The following TRAPPC9 variants were observed in gnomAD, a reference collection of about 807,000 sequenced individuals.
TRAPPC9 encodes IKK2 binding protein.
TRAPPC9 carries 83 observed loss-of-function variants against 124.0 expected under a neutral mutation model. The ratio of observed to expected loss-of-function variants is 0.67; its 90% CI spans 0.56 to 0.80. The LOEUF (loss-of-function observed/expected upper bound fraction) is 0.80. Ranked by LOEUF, TRAPPC9 falls within the 30% of genes least tolerant of loss-of-function variation. TRAPPC9 has a pLI of 0.00. For missense variants in TRAPPC9, 1,302 were observed against 1,508.3 expected (o/e 0.86, Z 2.27); for synonymous variants, 638 against 617.5 (o/e 1.03, Z -0.49).
At chr8:139,909,354 T>C (rs1454674456) in intron 20 of TRAPPC9, among the ~76,000 whole-genome samples, 1 of 152,198 alleles carries the variant, frequency 6.6e-6, no homozygotes, top group East Asian at 1.9e-4. Flanking sequence ...CTATGAAGCC[T>C]TCCTTGAATG....
intron 21 of TRAPPC9, among the ~76,000 whole-genome samples, chr8:139,736,351 C>T (rs553310938): frequency 4.7e-4 from 72 of 152,318 alleles, no homozygotes; most frequent in African/African-American, 1.7e-3. Flanking sequence ...GGTCACATTA[C>T]CCCGAGGCCT....
At chr8:140,336,369 G>A (rs1479633888) in intron 9 of TRAPPC9, among the ~76,000 whole-genome samples, 1 of 152,130 alleles carries the variant, frequency 6.6e-6, no homozygotes, top group African/African-American at 2.4e-5. Context: ...TCTGCACCAC[G>A]CTCTGCTCTG....
chr8:140,356,219 A>G (rs1321372470), intron 9 of TRAPPC9, among the ~76,000 whole-genome samples: 1 of 152,214 alleles, frequency 6.6e-6, no homozygotes, highest in African/African-American at 2.4e-5. Context: ...CAACAGAGCA[A>G]TTAACAGAGA....
At chr8:140,211,385 C>T (rs935587604) in intron 17 of TRAPPC9, among the ~76,000 whole-genome samples, 1 of 152,148 alleles carries the variant, frequency 6.6e-6, no homozygotes, top group African/African-American at 2.4e-5. Flanking sequence ...ATGTTGAAAT[C>T]CTGTCTCTGC....
chr8:140,216,138 G>A lies in TRAPPC9; in HGVS notation c.2556+5321C>T, dbSNP rs1028890533. The A allele has an allele frequency of 2.0e-5, 3 of 152,184 alleles. No homozygotes were observed. Among genetic ancestry groups the A allele is most frequent in the Admixed American group, 2.0e-4 (3 of 15,270 alleles). 9.4% of individuals were successfully genotyped at this position (152,184 alleles called of 1,614,324 possible). On this transcript the variant is annotated intron_variant, in intron 17 of 22. Transcript: ENST00000438773. This position sits in a 1 kb window ranked among gnomAD's most constrained non-coding sequence, Gnocchi z 4.1. ...GGAGAGTGTGACATCACCTCAAGGAGCCTCAGTTTTCTCCTTAGAGGATAA... is the reference window on the plus strand; with the variant it reads ...GGAGAGTGTGACATCACCTCAAGGAACCTCAGTTTTCTCCTTAGAGGATAA...
chr8:140,311,415 A>G, intron 9 of TRAPPC9, 41 bp from the exon 10 acceptor site: 1 of 1,607,954 alleles, frequency 6.2e-7, no homozygotes, highest in Non-Finnish European at 8.5e-7. Flanking sequence ...GTATTAGGCA[A>G]AAGTCAAAGT....
chr8:140,090,043 G>A (rs948126114), intron 17 of TRAPPC9, among the ~76,000 whole-genome samples: 3 of 151,896 alleles, frequency 2.0e-5, no homozygotes, highest in Admixed American at 6.6e-5. Context: ...TCACACCACC[G>A]CACTCCAGCC....
At chr8:139,993,160 C>A (rs539485888) in intron 18 of TRAPPC9, among the ~76,000 whole-genome samples, 1 of 152,142 alleles carries the variant, frequency 6.6e-6, no homozygotes, top group Non-Finnish European at 1.5e-5. Flanking sequence ...CAGGCATTTG[C>A]AACATATTAA....
chr8:140,396,518 A>G (rs1022401225), intron 7 of TRAPPC9, among the ~76,000 whole-genome samples: 11 of 150,576 alleles, frequency 7.3e-5, no homozygotes, highest in Admixed American at 2.0e-4. Flanking sequence ...CCTCCCGCTC[A>G]GACTCTGTCC....
chr8:140,105,695 T>A (rs766230612), intron 17 of TRAPPC9, among the ~76,000 whole-genome samples: 9 of 152,176 alleles, frequency 5.9e-5, no homozygotes, highest in Admixed American at 2.0e-4. Context: ...TTTCCTCAGC[T>A]CCTTCTCCCT....
intron 17 of TRAPPC9, among the ~76,000 whole-genome samples, chr8:140,025,839 A>C (rs547397809): frequency 5.3e-5 from 8 of 152,322 alleles, no homozygotes; most frequent in Admixed American, 3.3e-4. Flanking sequence ...AATGTGGCAA[A>C]GTATGCATAA....
Position 139,961,162 on chromosome 8 carries a change from G to A in TRAPPC9, c.2810+27564C>T, listed in dbSNP as rs1047594680. Among the ~76,000 whole-genome samples the A allele has an allele frequency of 6.6e-4, 82 of 124,714 alleles. 24 individuals are homozygous for A. The highest frequency in any genetic ancestry group is 1.3e-3 in the Non-Finnish European group (68 of 52,230). The allele number at this position is 124,714 out of a possible 152,430, so 81.8% of individuals were successfully genotyped here. On this transcript the variant is annotated intron_variant, in intron 19 of 22. Coordinates refer to ENST00000438773, the MANE Select transcript of TRAPPC9 (RefSeq NM_001160372.4). ...CACATGTGTCCTCGGACAAACCCACGTGTGTCCTCAGCTGCGCCTGCACAT... is the reference window on the plus strand; with the variant it reads ...CACATGTGTCCTCGGACAAACCCACATGTGTCCTCAGCTGCGCCTGCACAT...
intron 18 of TRAPPC9, among the ~76,000 whole-genome samples, chr8:140,017,028 C>T (rs1035124207): frequency 2.0e-5 from 3 of 152,126 alleles, no homozygotes; most frequent in African/African-American, 7.2e-5. Flanking sequence ...ATTCGCATTT[C>T]TCTAATGATT....
At chr8:139,810,998 G>C (rs1302372784) in intron 21 of TRAPPC9, among the ~76,000 whole-genome samples, 1 of 152,216 alleles carries the variant, frequency 6.6e-6, no homozygotes, top group Non-Finnish European at 1.5e-5. Flanking sequence ...ACAGCCACTT[G>C]AGGACCACCT....
At chr8:140,145,299 T>C (rs1034336692) in intron 17 of TRAPPC9, among the ~76,000 whole-genome samples, 10 of 151,990 alleles carry the variant, frequency 6.6e-5, no homozygotes, top group Non-Finnish European at 1.3e-4. Flanking sequence ...TCTTTTTCCC[T>C]ATTGCAGTAG....
intron 17 of TRAPPC9, among the ~76,000 whole-genome samples, chr8:140,167,772 C>T (rs73362951): frequency 2.0e-5 from 3 of 152,112 alleles, no homozygotes; most frequent in African/African-American, 7.2e-5. Flanking sequence ...AAGCAAAAGG[C>T]CACACGAAAG....
chr8:140,064,092 T>C (rs1842776043), intron 17 of TRAPPC9, among the ~76,000 whole-genome samples: 1 of 152,062 alleles, frequency 6.6e-6, no homozygotes, highest in Non-Finnish European at 1.5e-5. Flanking sequence ...CAGAACAGCA[T>C]ACCTGTCTAC....
At chr8:139,735,489 A>G (rs1162687654) in intron 21 of TRAPPC9, among the ~76,000 whole-genome samples, 1 of 152,168 alleles carries the variant, frequency 6.6e-6, no homozygotes, top group East Asian at 1.9e-4. Context: ...AGGCCTCAGT[A>G]AATGTTTCTT....
intron 17 of TRAPPC9, among the ~76,000 whole-genome samples, chr8:140,101,532 C>CTTTTTTTTTTTTTTTTTTTTTTTTTTT (rs1234280796): frequency 1.3e-5 from 1 of 78,722 alleles, no homozygotes. Flanking sequence ...GTAGGGTTTT[C>CTTTTTTTTTTTTTTTTTTTTTTTTTTT]TTTTTTTTGT....
Sources: allele counts gnomAD v4.1 joint callset (sites outside exome capture counted in the v4.1 genomes callset), GRCh38; gene constraint gnomAD v4.1.1; non-coding constraint Gnocchi (gnomAD v3.1); transcripts MANE v1.5; gene names NCBI Gene and HGNC (gene_info 2026-07-23, HGNC 2026-07-21).